Variants in CARNMT1 observed in about 807,000 individuals in gnomAD.
The protein encoded by CARNMT1 is protein-L-histidine N-pros-methyltransferase CARNMT1.
CARNMT1 carries 28 observed loss-of-function variants against 49.6 expected under a neutral mutation model. That is an observed-to-expected ratio of 0.56 (90% CI 0.42 to 0.77). The LOEUF (loss-of-function observed/expected upper bound fraction) is 0.77, where lower values mean the gene tolerates loss of function less well. Ranked by LOEUF, CARNMT1 falls within the 30% of genes least tolerant of loss-of-function variation. CARNMT1 has a pLI of 0.00. For missense variants in CARNMT1, 421 were observed against 512.6 expected (o/e 0.82, Z 1.73); for synonymous variants, 178 against 175.0 (o/e 1.02, Z -0.13).
intron 3 of CARNMT1, among the ~76,000 whole-genome samples, chr9:75,010,484 A>C (rs561653751): frequency 2.6e-4 from 39 of 152,336 alleles, no homozygotes; most frequent in African/African-American, 9.1e-4. Context: ...GTGAAGTTGA[A>C]GTTAGGTTAA....
intron 1 of CARNMT1, chr9:75,026,990 T>G: frequency 1.1e-6 from 1 of 871,490 alleles, no homozygotes; most frequent in Non-Finnish European, 1.7e-6. Flanking sequence ...ATACATAAGA[T>G]GAACAATATA....
intron 3 of CARNMT1, among the ~76,000 whole-genome samples, chr9:75,007,728 C>CAAAAAAAA (rs201573769): frequency 3.7e-5 from 3 of 80,044 alleles, no homozygotes; most frequent in Admixed American, 1.4e-4. Context: ...GACCCTGTCT[C>CAAAAAAAA]AAAAAAATAA....
rs141522179 is a variant in CARNMT1 at position 75,020,694 on chromosome 9, T to C, written c.231-3246A>G. ...AATTATTCCAACTGCCAAACAGTAA[T>C]GAACTTCAGAAGAAGCTCCTGACAA... On this transcript the variant is annotated intron_variant, in intron 1 of 7. Coordinates refer to ENST00000376834, the MANE Select transcript of CARNMT1 (RefSeq NM_152420.3). Among the ~76,000 whole-genome samples, 1,322 of 152,296 alleles carry C rather than the reference T, an allele frequency of 8.7e-3. 19 individuals carry two copies. The highest frequency in any genetic ancestry group is 0.029 in the African/African-American group (1,208 of 41,566).
chr9:74,992,149 G>A (rs760278674), intron 6 of CARNMT1, among the ~76,000 whole-genome samples: 2 of 151,988 alleles, frequency 1.3e-5, no homozygotes, highest in Non-Finnish European at 2.9e-5. Context: ...GCGCACGCCT[G>A]TAACCCCAGC....
rs1438549467 is a variant in CARNMT1, at chr9:74,997,872, CTCTTT to C, written c.910+721_910+725del. Among the ~76,000 whole-genome samples the C allele has an allele frequency of 6.6e-5, 10 of 152,118 alleles. No homozygotes were observed. The East Asian group carries it at 1.5e-3, about 23-fold the overall frequency. On this transcript the variant is annotated intron_variant, in intron 5 of 7. Transcript: ENST00000376834. Reference sequence around the variant, plus strand: ...CAGGGATTTTGTTTTGTTCACTGTTCTCTTTTGACACCTAGAAAAATACCTAGTAC... The same window carrying C: ...CAGGGATTTTGTTTTGTTCACTGTTCTGACACCTAGAAAAATACCTAGTAC...
At chr9:75,001,672 C>T (rs945743384) in intron 3 of CARNMT1, among the ~76,000 whole-genome samples, 2 of 152,110 alleles carry the variant, frequency 1.3e-5, no homozygotes, top group African/African-American at 2.4e-5. Flanking sequence ...AAATTTTTCC[C>T]TAAATCTTTG....
At chr9:74,986,112 A>C (rs1019903756) in intron 6 of CARNMT1, among the ~76,000 whole-genome samples, 1 of 152,194 alleles carries the variant, frequency 6.6e-6, no homozygotes. Context: ...ACACAGTTAT[A>C]TATACCTCAG....
chr9:75,028,387 C>G, upstream of CARNMT1: 1 of 1,297,014 alleles, frequency 7.7e-7, no homozygotes, highest in East Asian at 3.2e-5. Context: ...CCTCAGGCCT[C>G]CATCCGCGCT....
chr9:75,018,539 T>C (rs1322240493), intron 1 of CARNMT1, among the ~76,000 whole-genome samples: 2 of 152,188 alleles, frequency 1.3e-5, no homozygotes, highest in Non-Finnish European at 2.9e-5. Flanking sequence ...GCAACCACTT[T>C]GGAAAATTAA....
In CARNMT1 at chr9:74,996,589, CTGTTA is replaced by C. The variant is rs753317465; in HGVS notation, c.911-34_911-30del. 8 of 1,271,984 alleles carry C rather than the reference CTGTTA, an allele frequency of 6.3e-6. No individual in the cohort carries two copies. The East Asian group carries it at 9.4e-5, about 15-fold the overall frequency. The allele number at this position is 1,271,984 out of a possible 1,614,324, so 78.8% of individuals were successfully genotyped here. On this transcript the variant is annotated intron_variant, in intron 5 of 7. Transcript: ENST00000376834. ...ATGAAGAAAAATCAAATTACTGCATCTGTTATGTTATTTTGCTTTTTTCTTTTAAT... is the reference window on the plus strand; with the variant it reads ...ATGAAGAAAAATCAAATTACTGCATCTGTTATTTTGCTTTTTTCTTTTAAT...
chr9:75,005,827 AAC>A (rs10569961), intron 3 of CARNMT1, among the ~76,000 whole-genome samples: 21,987 of 135,500 alleles, frequency 0.16, 1,734 homozygotes, highest in Middle Eastern at 0.21. Context: ...GTGAAATTAA[AAC>A]ACACACACAC....
intron 3 of CARNMT1, among the ~76,000 whole-genome samples, chr9:75,005,708 C>T (rs1833486742): frequency 6.6e-6 from 1 of 151,842 alleles, no homozygotes; most frequent in Non-Finnish European, 1.5e-5. Context: ...CTCCTGATCT[C>T]GTGATCCACC....
At chr9:75,006,156 A>G (rs1265090179) in intron 3 of CARNMT1, among the ~76,000 whole-genome samples, 2 of 151,780 alleles carry the variant, frequency 1.3e-5, no homozygotes, top group Admixed American at 1.3e-4. Context: ...GGTTCAAGTG[A>G]TTCTCCTGCC....
chr9:75,002,001 G>C (rs942434688), intron 3 of CARNMT1, among the ~76,000 whole-genome samples: 2 of 152,070 alleles, frequency 1.3e-5, no homozygotes, highest in Admixed American at 6.6e-5. Context: ...AAACAAGCAA[G>C]CCAACAAGTT....
At chr9:74,990,522 T>C (rs2118761967) in intron 6 of CARNMT1, among the ~76,000 whole-genome samples, 1 of 152,314 alleles carries the variant, frequency 6.6e-6, no homozygotes, top group Admixed American at 6.5e-5. Context: ...GGCCCTCCTT[T>C]GATGATTTTT....
At chr9:75,007,720 C>T (rs895756245) in intron 3 of CARNMT1, among the ~76,000 whole-genome samples, 1 of 129,018 alleles carries the variant, frequency 7.8e-6, no homozygotes. Flanking sequence ...CAGAGCGAGA[C>T]CCTGTCTCAA....
intron 1 of CARNMT1, among the ~76,000 whole-genome samples, chr9:75,026,297 A>C (rs72732937): frequency 6.6e-6 from 1 of 152,160 alleles, no homozygotes; most frequent in African/African-American, 2.4e-5. Context: ...CTACCCCAAC[A>C]AAGTCCCATC....
chr9:74,995,032 C>T (rs555108958), intron 6 of CARNMT1, among the ~76,000 whole-genome samples: 1 of 151,960 alleles, frequency 6.6e-6, no homozygotes, highest in South Asian at 2.1e-4. Context: ...TATTATATAA[C>T]TTAATAAAAT....
At chr9:75,027,128 C>A in intron 1 of CARNMT1, 1 of 1,303,946 alleles carries the variant, frequency 7.7e-7, no homozygotes, top group Non-Finnish European at 1.0e-6. Flanking sequence ...ATATCTCTTA[C>A]GTGAATAAAA....
Sources: allele counts gnomAD v4.1 joint callset (sites outside exome capture counted in the v4.1 genomes callset), GRCh38; gene constraint gnomAD v4.1.1; transcripts MANE v1.5; gene names NCBI Gene and HGNC (gene_info 2026-07-23, HGNC 2026-07-21).